The following MUCL1 variants were observed in gnomAD, a reference collection of about 807,000 sequenced individuals.
MUCL1 encodes the protein mucin like 1.
Under a neutral mutation model 9.2 loss-of-function variants are expected in MUCL1, and 11 were observed. The observed-to-expected ratio is 1.19, with a 90% CI of 0.75 to 1.97. The LOEUF (loss-of-function observed/expected upper bound fraction) is 1.97, where lower values mean the gene tolerates loss of function less well. Ranked by LOEUF, MUCL1 falls within the 30% of genes most tolerant of loss-of-function variation. The pLI is 0.00. For missense variants in MUCL1, 144 were observed against 110.9 expected (o/e 1.30, Z -1.34); for synonymous variants, 48 against 40.5 (o/e 1.19, Z -0.71).
chr12:54,850,319 C>T (rs1565777476), upstream of MUCL1, among the ~76,000 whole-genome samples: 1 of 140,666 alleles, frequency 7.1e-6, no homozygotes, highest in Admixed American at 7.1e-5. Context: ...CTCCCCCCAC[C>T]CCACCACAGG....
chr12:54,855,230 C>A, intron 2 of MUCL1, 73 bp downstream of exon 2: 1 of 1,334,066 alleles, frequency 7.5e-7, no homozygotes, highest in Non-Finnish European at 1.1e-6. Flanking sequence ...GTCAAACAGC[C>A]AGTTTCCATG....
intron 1 of MUCL1, among the ~76,000 whole-genome samples, chr12:54,840,217 T>C (rs1959203111): frequency 6.6e-6 from 1 of 152,184 alleles, no homozygotes; most frequent in African/African-American, 2.4e-5. Context: ...CTGATGGCGA[T>C]GGCACAAGAG....
chr12:54,845,418 T>C (rs994181854), intron 1 of MUCL1, among the ~76,000 whole-genome samples: 2 of 152,058 alleles, frequency 1.3e-5, no homozygotes, highest in African/African-American at 2.4e-5. Flanking sequence ...ATGAGAGAGA[T>C]AGGAAAATGC....
chr12:54,843,822 G>A (rs1300837946), intron 1 of MUCL1, among the ~76,000 whole-genome samples: 1 of 152,142 alleles, frequency 6.6e-6, no homozygotes, highest in African/African-American at 2.4e-5. Context: ...TCAGACTTCT[G>A]GACTGACTCC....
chr12:54,834,264 G>A (rs1012536151), intron 1 of MUCL1, among the ~76,000 whole-genome samples: 1 of 151,984 alleles, frequency 6.6e-6, no homozygotes, highest in Non-Finnish European at 1.5e-5. Context: ...TTAGTGTATT[G>A]AGTGAAGTTG....
chr12:54,850,767 G>T (rs929568051), upstream of MUCL1, among the ~76,000 whole-genome samples: 45 of 152,280 alleles, frequency 3.0e-4, no homozygotes, highest in Middle Eastern at 3.4e-3. Context: ...CTAGTTTACA[G>T]TCCCAACAAC....
chr12:54,836,787 TATC>T (rs1041965739), upstream of MUCL1, among the ~76,000 whole-genome samples: 5 of 152,216 alleles, frequency 3.3e-5, no homozygotes, highest in African/African-American at 9.6e-5. Context: ...GTGCAACTAT[TATC>T]ATTCATTTTG....
intron 3 of MUCL1, 90 bp downstream of exon 3, chr12:54,856,982 T>G: frequency 6.4e-7 from 1 of 1,565,078 alleles, no homozygotes; most frequent in South Asian, 1.2e-5. Flanking sequence ...ATTTTTGAGG[T>G]CAGGGAGACC....
intron 1 of MUCL1, among the ~76,000 whole-genome samples, chr12:54,839,920 C>T (rs542586438): frequency 7.2e-5 from 11 of 152,318 alleles, no homozygotes; most frequent in South Asian, 2.1e-4. Flanking sequence ...CCCTGCACTG[C>T]ACCTGTGCCT....
upstream of MUCL1, among the ~76,000 whole-genome samples, chr12:54,850,521 G>A (rs1486915535): frequency 6.6e-6 from 1 of 151,930 alleles, no homozygotes; most frequent in Non-Finnish European, 1.5e-5. Context: ...AGTATTCCAT[G>A]GTGTATATGT....
chr12:54,857,173 A>G (rs927462849), intron 3 of MUCL1, among the ~76,000 whole-genome samples: 1 of 151,964 alleles, frequency 6.6e-6, no homozygotes, highest in Non-Finnish European at 1.5e-5. Context: ...AAAGACCAAA[A>G]TAAGTGTCTC....
At chr12:54,837,168 G>C, upstream of MUCL1, among the ~76,000 whole-genome samples, 1 of 152,052 alleles carries the variant, frequency 6.6e-6, no homozygotes, top group East Asian at 1.9e-4. Flanking sequence ...ATCTAGTGCT[G>C]TCAGTAGAGA....
intron 1 of MUCL1, 35 bp downstream of exon 1, chr12:54,854,675 T>G: frequency 6.4e-7 from 1 of 1,574,244 alleles, no homozygotes; most frequent in Non-Finnish European, 8.7e-7. Context: ...ATAAGTTTTG[T>G]GGGAATATAC....
chr12:54,831,219 T>C (rs903993461), intron 1 of MUCL1, among the ~76,000 whole-genome samples: 8 of 152,204 alleles, frequency 5.3e-5, no homozygotes, highest in Non-Finnish European at 1.0e-4. Context: ...CCAAATGGTA[T>C]TATCAAATTA....
At chr12:54,856,481 C>A (rs192437408) in intron 2 of MUCL1, among the ~76,000 whole-genome samples, 2 of 152,180 alleles carry the variant, frequency 1.3e-5, no homozygotes, top group Non-Finnish European at 1.5e-5. Context: ...TAGGAACACT[C>A]GTGGCCTTGG....
chr12:54,855,193 A>T, intron 2 of MUCL1, 36 bp downstream of exon 2: 1 of 1,601,732 alleles, frequency 6.2e-7, no homozygotes, highest in Non-Finnish European at 8.6e-7. Context: ...CTTTCCAGCA[A>T]TAACCATTTT....
intron 2 of MUCL1, among the ~76,000 whole-genome samples, chr12:54,856,095 C>T (rs978642200): frequency 1.5e-5 from 2 of 137,546 alleles, no homozygotes; most frequent in Non-Finnish European, 3.2e-5. Flanking sequence ...CCCCTTTGTA[C>T]ATATAGTAAT....
At chr12:54,851,438 G>A (rs886838236), upstream of MUCL1, among the ~76,000 whole-genome samples, 3 of 152,076 alleles carry the variant, frequency 2.0e-5, no homozygotes, top group Admixed American at 6.5e-5. Context: ...TGCAGAAAAG[G>A]CCTTTGACAA....
chr12:54,851,246 C>T (rs575756196), upstream of MUCL1, among the ~76,000 whole-genome samples: 643 of 152,256 alleles, frequency 4.2e-3, 4 homozygotes, highest in African/African-American at 0.015. Context: ...TGCCTATGTC[C>T]TGAATGGTAT....
Sources: allele counts gnomAD v4.1 joint callset (sites outside exome capture counted in the v4.1 genomes callset), GRCh38; gene constraint gnomAD v4.1.1; transcripts MANE v1.5; gene names NCBI Gene and HGNC (gene_info 2026-07-23, HGNC 2026-07-21).